The following DLGAP2 variants were observed in gnomAD, a reference collection of about 807,000 sequenced individuals.
DLGAP2 encodes the protein DLG associated protein 2, also known as disks large-associated protein 2.
DLGAP2 carries 26 observed loss-of-function variants against 100.3 expected under a neutral mutation model. The observed-to-expected ratio is 0.26, with a 90% CI of 0.19 to 0.36. The LOEUF is 0.36. Among genes scored for constraint, DLGAP2 ranks in the 10% least tolerant of loss-of-function variants. DLGAP2 has a pLI of 1.00. For synonymous variants in DLGAP2, 886 were observed against 630.1 expected (o/e 1.41, Z -6.08); for missense variants, 1,858 against 1,453.2 (o/e 1.28, Z -4.53).
At position 1,338,140 on chromosome 8, in the gene DLGAP2, A is replaced by T. The variant is rs1287589949; in HGVS notation, c.106+79257A>T. Among the ~76,000 whole-genome samples, 8 of 152,264 alleles carry T rather than the reference A, an allele frequency of 5.3e-5. No individual in the cohort carries two copies. In the East Asian group the frequency reaches 1.2e-3, roughly 22 times the overall value. ...TAGTTAGGAAATTCCACACAAAGTT[A>T]AACAGACAGTTACCTTATGACCCAG... On this transcript the variant is annotated intron_variant, in intron 3 of 14. Transcript: ENST00000637795.
chr8:1,694,585 G>A (rs1432279794), intron 13 of DLGAP2, among the ~76,000 whole-genome samples: 3 of 152,154 alleles, frequency 2.0e-5, no homozygotes, highest in African/African-American at 7.2e-5. Flanking sequence ...GGGACCAGCA[G>A]TTTGGTGTCC....
chr8:937,318 A>T (rs188136307), intron 2 of DLGAP2, among the ~76,000 whole-genome samples: 25 of 152,284 alleles, frequency 1.6e-4, no homozygotes, highest in Admixed American at 1.2e-3. Context: ...TAAGATCAAA[A>T]CAAGAGTGAT....
In DLGAP2 at chr8:1,568,564, T is replaced by C. The variant is rs77034676; in HGVS notation, c.1442+2670T>C. Reference sequence around the variant, plus strand: ...TGCCCGTGGCCCCCATTCCACTGTCTACTCAGCAGACACAAATCCGTCTCT... The same window carrying C: ...TGCCCGTGGCCCCCATTCCACTGTCCACTCAGCAGACACAAATCCGTCTCT... On this transcript the variant is annotated intron_variant, in intron 6 of 14. Transcript: ENST00000637795. 1.6e-3 allele frequency among the ~76,000 whole-genome samples: 83 copies of C among 52,416 alleles called. 1 individual carries two copies. The highest frequency in any genetic ancestry group is 8.2e-3 in the South Asian group (11 of 1,346). The allele number at this position is 52,416 out of a possible 152,430, so 34.4% of individuals were successfully genotyped here.
chr8:1,672,121 A>T lies in DLGAP2; in HGVS notation c.2202+2337A>T, dbSNP rs146650376. On this transcript the variant is annotated intron_variant, in intron 10 of 14. Coordinates refer to ENST00000637795, the MANE Select transcript of DLGAP2 (RefSeq NM_001346810.2). Reference sequence around the variant, plus strand: ...ACAGCTCCCAGATACTGCGGTTAGGAGGGACGGAGGCCTGGTCTAACATTC... The same window carrying T: ...ACAGCTCCCAGATACTGCGGTTAGGTGGGACGGAGGCCTGGTCTAACATTC... Among the ~76,000 whole-genome samples the T allele has an allele frequency of 1.7e-3, 261 of 152,236 alleles. 2 individuals carry two copies. The highest frequency in any genetic ancestry group is 0.01 in the South Asian group (49 of 4,820).
At chr8:837,739 C>A (rs1469154344) in intron 1 of DLGAP2, among the ~76,000 whole-genome samples, 1 of 149,218 alleles carries the variant, frequency 6.7e-6, no homozygotes, top group Admixed American at 6.7e-5. Context: ...TTTTTTTAGA[C>A]GGAGTCTCAC....
intron 4 of DLGAP2, among the ~76,000 whole-genome samples, chr8:1,511,843 G>C (rs1800175373): frequency 6.6e-6 from 1 of 152,184 alleles, no homozygotes; most frequent in Non-Finnish European, 1.5e-5. Context: ...CAATCAGTAG[G>C]TCACATGAGC....
intron 4 of DLGAP2, among the ~76,000 whole-genome samples, chr8:1,509,327 C>CTAAAAA (rs769352573): frequency 3.5e-4 from 27 of 77,498 alleles, no homozygotes; most frequent in African/African-American, 1.2e-3. Flanking sequence ...AAGACTCCGT[C>CTAAAAA]CAAAAAAAAA....
At chr8:1,416,550 C>G (rs1463917715) in intron 3 of DLGAP2, among the ~76,000 whole-genome samples, 1 of 152,162 alleles carries the variant, frequency 6.6e-6, no homozygotes, top group Non-Finnish European at 1.5e-5. Flanking sequence ...GAGGCCTGAA[C>G]CAGAACCCCT....
intron 4 of DLGAP2, among the ~76,000 whole-genome samples, chr8:1,516,531 G>A (rs1254668832): frequency 6.7e-6 from 1 of 150,312 alleles, no homozygotes; most frequent in Non-Finnish European, 1.5e-5. Context: ...CAGTCAGTGA[G>A]TGAGTGAGTG....
intron 8 of DLGAP2, 49 bp from the exon 9 acceptor site, chr8:1,668,280 C>A: frequency 1.4e-6 from 2 of 1,434,886 alleles, no homozygotes; most frequent in Non-Finnish European, 1.8e-6. Context: ...AGACCACAGG[C>A]TGACGGGGAA....
intron 1 of DLGAP2, among the ~76,000 whole-genome samples, chr8:787,040 C>A (rs1821885241): frequency 6.6e-6 from 1 of 152,142 alleles, no homozygotes; most frequent in African/African-American, 2.4e-5. Context: ...TTCCTTTCTT[C>A]ATTTAGTTTT....
chr8:1,083,370 A>T (rs2129039983), intron 2 of DLGAP2, among the ~76,000 whole-genome samples: 1 of 152,308 alleles, frequency 6.6e-6, no homozygotes, highest in East Asian at 1.9e-4. Context: ...GGAGAAGAGT[A>T]GCCATTCTCT....
intron 3 of DLGAP2, among the ~76,000 whole-genome samples, chr8:1,429,377 C>T (rs1797341295): frequency 6.6e-6 from 1 of 152,142 alleles, no homozygotes; most frequent in Non-Finnish European, 1.5e-5. Context: ...CTTTCGTTAA[C>T]ACTGTAGTGG....
intron 3 of DLGAP2, among the ~76,000 whole-genome samples, chr8:1,279,155 G>C (rs1343641897): frequency 6.6e-6 from 1 of 152,180 alleles, no homozygotes; most frequent in Non-Finnish European, 1.5e-5. Context: ...AGTGTGCTTT[G>C]ACAGTCTTAT....
At chr8:1,387,527 G>A (rs562267523) in intron 3 of DLGAP2, among the ~76,000 whole-genome samples, 9 of 152,186 alleles carry the variant, frequency 5.9e-5, no homozygotes, top group Non-Finnish European at 1.0e-4. Flanking sequence ...GACGGTGGTC[G>A]TGGTTGCACG....
intron 3 of DLGAP2, among the ~76,000 whole-genome samples, chr8:1,383,903 ACAGGAAGGT>A (rs1161755190): frequency 1.3e-5 from 2 of 151,898 alleles, no homozygotes; most frequent in Non-Finnish European, 2.9e-5. Context: ...GTGGACTCTG[ACAGGAAGGT>A]CATTTCACTC....
intron 3 of DLGAP2, among the ~76,000 whole-genome samples, chr8:1,260,626 G>C (rs539166483): frequency 3.3e-5 from 5 of 152,048 alleles, no homozygotes; most frequent in Admixed American, 3.3e-4. Context: ...GGACATAAAA[G>C]AAGAGTTTTT....
intron 7 of DLGAP2, among the ~76,000 whole-genome samples, chr8:1,630,438 C>G (rs995679077): frequency 1.3e-5 from 2 of 152,088 alleles, no homozygotes; most frequent in East Asian, 3.9e-4. Context: ...CGCGGTGGCT[C>G]ACGCCTGTAA....
At chr8:1,455,726 C>A (rs1335211604) in intron 3 of DLGAP2, among the ~76,000 whole-genome samples, 1 of 152,176 alleles carries the variant, frequency 6.6e-6, no homozygotes, top group Non-Finnish European at 1.5e-5. Context: ...ATTAATTAAG[C>A]GTCGCATCCT....
Sources: gnomAD v4.1 joint callset for allele counts (sites outside exome capture counted in the v4.1 genomes callset) on GRCh38, gnomAD v4.1.1 for gene constraint, MANE v1.5 for transcripts, NCBI Gene and HGNC (gene_info 2026-07-23, HGNC 2026-07-21) for gene names.